MED13L: variants seen among roughly 807,000 people sequenced by gnomAD.
MED13L encodes the protein mediator complex subunit 13L.
A neutral mutation model predicts 220.9 loss-of-function variants in MED13L; 7 were observed. That is an observed-to-expected ratio of 0.03 (90% confidence interval 0.02 to 0.06). MED13L has a LOEUF of 0.06. MED13L is among the 10% of genes least tolerant of loss of function. The pLI, the probability that MED13L is intolerant of heterozygous loss-of-function variation, is 1.00. For synonymous variants in MED13L, 1,011 were observed against 1,015.2 expected (o/e 1.00, Z 0.08); for missense variants, 1,965 against 2,760.5 (o/e 0.71, Z 6.46).
intron 2 of MED13L, among the ~76,000 whole-genome samples, chr12:116,152,929 T>C (rs763309243): frequency 1.6e-4 from 24 of 151,462 alleles, no homozygotes; most frequent in Admixed American, 6.6e-4. Context: ...TTTTTCATAA[T>C]AGAAGTTAAA....
chr12:116,116,046 A>T (rs75246740), intron 2 of MED13L, among the ~76,000 whole-genome samples: 2,274 of 152,294 alleles, frequency 0.015, 22 homozygotes, highest in African/African-American at 0.027. Flanking sequence ...TGTGAAACAC[A>T]TATTTGGTCC....
intron 14 of MED13L, among the ~76,000 whole-genome samples, chr12:116,002,385 A>G (rs902456402): frequency 1.3e-5 from 2 of 152,194 alleles, no homozygotes; most frequent in Admixed American, 6.5e-5. Context: ...GGTGTTAAAG[A>G]ATGATTTGCA....
intron 2 of MED13L, among the ~76,000 whole-genome samples, chr12:116,226,770 G>A (rs1442829979): frequency 1.3e-5 from 2 of 151,704 alleles, no homozygotes; most frequent in South Asian, 2.1e-4. Context: ...TTGGGAGGCT[G>A]AGGCAGGGGA....
intron 2 of MED13L, among the ~76,000 whole-genome samples, chr12:116,159,362 T>C (rs1344260690): frequency 6.6e-6 from 1 of 152,182 alleles, no homozygotes; most frequent in Non-Finnish European, 1.5e-5. Context: ...AATGCCAGAA[T>C]ACATTTTAAC....
chr12:116,217,724 T>C (rs1393164505), intron 2 of MED13L, among the ~76,000 whole-genome samples: 1 of 152,182 alleles, frequency 6.6e-6, no homozygotes, highest in African/African-American at 2.4e-5. Context: ...GATGAAGAAC[T>C]GAGTGACACA....
intron 29 of MED13L, among the ~76,000 whole-genome samples, 195 bp from the exon 30 acceptor site, chr12:115,963,714 A>C (rs1220556204): frequency 6.6e-6 from 1 of 152,192 alleles, no homozygotes; most frequent in Non-Finnish European, 1.5e-5. Context: ...AGTTGGAAAA[A>C]AACAAAAAAA....
intron 2 of MED13L, among the ~76,000 whole-genome samples, chr12:116,188,098 T>C (rs1177343260): frequency 2.0e-5 from 3 of 151,624 alleles, no homozygotes; most frequent in African/African-American, 7.3e-5. Flanking sequence ...CTCACCAGTA[T>C]TACATTTTAC....
At chr12:115,999,383 T>C (rs1291890439) in intron 14 of MED13L, among the ~76,000 whole-genome samples, 4 of 151,212 alleles carry the variant, frequency 2.6e-5, no homozygotes, top group Admixed American at 2.0e-4. Context: ...AGAGAAAGAC[T>C]CTGTCTCAAA....
At chr12:116,271,545 G>A (rs1028025626) in intron 1 of MED13L, among the ~76,000 whole-genome samples, 1 of 150,912 alleles carries the variant, frequency 6.6e-6, no homozygotes, top group South Asian at 2.1e-4. Flanking sequence ...AGAATGGCAC[G>A]AACCCGGGAG....
chr12:116,170,193 A>G (rs1160013414), intron 2 of MED13L, among the ~76,000 whole-genome samples: 1 of 152,214 alleles, frequency 6.6e-6, no homozygotes, highest in Non-Finnish European at 1.5e-5. Context: ...TCAAAAAATA[A>G]CAATTATTAA....
chr12:116,007,739 G>T, intron 10 of MED13L, 103 bp from the exon 11 acceptor site: 1 of 932,048 alleles, frequency 1.1e-6, no homozygotes. Context: ...CCGATATAGT[G>T]ATTTGCTTTT....
Position 116,024,780 on chromosome 12 carries a change from G to C in MED13L, c.480-2179C>G, listed in dbSNP as rs997633795. Among the ~76,000 whole-genome samples the C allele has an allele frequency of 6.4e-5, 6 of 94,430 alleles. 2 individuals are homozygous for C. The highest frequency in any genetic ancestry group is 1.3e-4 in the Non-Finnish European group (6 of 46,100). 61.9% of individuals were successfully genotyped at this position (94,430 alleles called of 152,430 possible). On this transcript the variant is annotated intron_variant, in intron 4 of 30. Transcript: ENST00000281928. ...TGCTTTTTTTTGGCGGGGCGGGGGG[G>C]GGGGGGAGGTGATCTTGTTTTTAAA...
chr12:116,222,497 T>C (rs1868534889), intron 2 of MED13L, among the ~76,000 whole-genome samples: 1 of 152,200 alleles, frequency 6.6e-6, no homozygotes, highest in Admixed American at 6.5e-5. Context: ...TAATGCCAGC[T>C]GAGCTATGTT....
chr12:116,220,478 C>T (rs1883245789), intron 2 of MED13L, among the ~76,000 whole-genome samples: 2 of 152,254 alleles, frequency 1.3e-5, no homozygotes, highest in African/African-American at 4.8e-5. Flanking sequence ...GCGGGCAGAT[C>T]ACTTGAGGTC....
chr12:115,971,638 T>C (rs1209323963), intron 26 of MED13L, among the ~76,000 whole-genome samples: 3 of 152,236 alleles, frequency 2.0e-5, no homozygotes, highest in South Asian at 2.1e-4. Flanking sequence ...CTTGTTTGCC[T>C]TCCCATTCAT....
At chr12:116,257,127 C>G (rs549355057) in intron 1 of MED13L, among the ~76,000 whole-genome samples, 6 of 152,224 alleles carry the variant, frequency 3.9e-5, no homozygotes, top group African/African-American at 1.4e-4. Flanking sequence ...ATTTGTTAAC[C>G]TTAACTATAA....
At chr12:116,080,525 T>C (rs1332410467) in intron 4 of MED13L, among the ~76,000 whole-genome samples, 1 of 152,208 alleles carries the variant, frequency 6.6e-6, no homozygotes, top group Non-Finnish European at 1.5e-5. Flanking sequence ...AAGGGTACTA[T>C]AGGACATTCT....
In MED13L at chr12:115,960,592, G is replaced by C. The variant is rs1216215477; in HGVS notation, c.*674C>G. The C allele has an allele frequency of 6.4e-6, 1 of 155,044 alleles. No individual in the cohort carries two copies. Among genetic ancestry groups the C allele is most frequent in the Non-Finnish European group, 1.4e-5 (1 of 69,760 alleles). 9.6% of individuals were successfully genotyped at this position (155,044 alleles called of 1,614,324 possible). On this transcript the variant is annotated 3_prime_UTR_variant, in exon 31 of 31. Coordinates refer to ENST00000281928, the MANE Select transcript of MED13L (RefSeq NM_015335.5). Reference sequence around the variant, plus strand: ...TATGGTGGATCTGAATTGGGTTTCAGCTACTGTACCTGGTCCTTGTGAATT... The same window carrying C: ...TATGGTGGATCTGAATTGGGTTTCACCTACTGTACCTGGTCCTTGTGAATT...
Position 116,024,765 on chromosome 12 carries a change from TGGCG to T in MED13L, c.480-2168_480-2165del, listed in dbSNP as rs1566016646. Among the ~76,000 whole-genome samples, 21 of 8,992 alleles carry T rather than the reference TGGCG, an allele frequency of 2.3e-3. 1 individual carries two copies. Among genetic ancestry groups the T allele is most frequent in the African/African-American group, 4.4e-3 (8 of 1,818 alleles). 5.9% of individuals were successfully genotyped at this position (8,992 alleles called of 152,430 possible). A position where few individuals can be genotyped will look rare whatever the true frequency, so the allele number is the denominator to read the frequency against. On this transcript the variant is annotated intron_variant, in intron 4 of 30. Coordinates refer to ENST00000281928, the MANE Select transcript of MED13L (RefSeq NM_015335.5). ...CTTCTAGTAGTTTCATGCTTTTTTTTGGCGGGGCGGGGGGGGGGGGGAGGTGATC... is the reference window on the plus strand; with the variant it reads ...CTTCTAGTAGTTTCATGCTTTTTTTTGGGCGGGGGGGGGGGGGAGGTGATC...
Sources: allele counts gnomAD v4.1 joint callset (sites outside exome capture counted in the v4.1 genomes callset), GRCh38; gene constraint gnomAD v4.1.1; transcripts MANE v1.5; gene names NCBI Gene and HGNC (gene_info 2026-07-23, HGNC 2026-07-21).